The following PPM1H variants were observed in gnomAD, a reference collection of about 807,000 sequenced individuals.
PPM1H encodes protein phosphatase 1H.
A neutral mutation model predicts 54.9 loss-of-function variants in PPM1H; 27 were observed. That is an observed-to-expected ratio of 0.49 (90% CI 0.36 to 0.68). The LOEUF is 0.68. PPM1H is among the 30% of genes least tolerant of loss of function. The pLI is 0.00. For synonymous variants in PPM1H, 305 were observed against 270.8 expected, an observed-to-expected ratio of 1.13 and a Z score of -1.24; for missense variants, 596 against 667.8, an observed-to-expected ratio of 0.89 and a Z score of 1.19.
chr12:62,873,925 T>C (rs77029242), intron 1 of PPM1H, among the ~76,000 whole-genome samples: 7,029 of 152,234 alleles, frequency 0.046, 191 homozygotes, highest in South Asian at 0.096. Flanking sequence ...GGAGGTTACA[T>C]TTAAGCTTAG....
chr12:62,878,032 A>G (rs942900915), intron 1 of PPM1H, among the ~76,000 whole-genome samples: 17 of 152,034 alleles, frequency 1.1e-4, no homozygotes, highest in East Asian at 1.9e-4. Context: ...TGAGTTGCTG[A>G]GACTACAGGC....
At chr12:62,762,138 G>T (rs570441106) in intron 4 of PPM1H, among the ~76,000 whole-genome samples, 11 of 152,308 alleles carry the variant, frequency 7.2e-5, no homozygotes, top group Admixed American at 2.0e-4. Flanking sequence ...CCCTAACTAC[G>T]TATGGCCCAT....
chr12:62,822,847 A>G (rs2076912683), intron 2 of PPM1H, among the ~76,000 whole-genome samples: 1 of 152,208 alleles, frequency 6.6e-6, no homozygotes, highest in Non-Finnish European at 1.5e-5. Flanking sequence ...GAGAAGCAAG[A>G]GCAAACACAT....
intron 1 of PPM1H, among the ~76,000 whole-genome samples, chr12:62,870,560 G>A (rs1869939495): frequency 6.6e-6 from 1 of 152,114 alleles, no homozygotes; most frequent in Admixed American, 6.5e-5. Context: ...AGAATTTAGG[G>A]GACACAATCA....
chr12:62,784,888 A>G (rs548723793), intron 4 of PPM1H, among the ~76,000 whole-genome samples: 1 of 152,254 alleles, frequency 6.6e-6, no homozygotes, highest in Non-Finnish European at 1.5e-5. Flanking sequence ...TGGATAGCAC[A>G]TAAAAATACC....
chr12:62,720,059 C>A, intron 6 of PPM1H, 112 bp downstream of exon 6: 1 of 908,652 alleles, frequency 1.1e-6, no homozygotes, highest in East Asian at 2.4e-5. Context: ...ACCACAAACC[C>A]TGGTCTCTGG....
intron 1 of PPM1H, among the ~76,000 whole-genome samples, chr12:62,895,924 T>C (rs549218217): frequency 5.8e-4 from 88 of 152,246 alleles, no homozygotes; most frequent in Non-Finnish European, 8.4e-4. Context: ...GCCTCAGGTA[T>C]TCCTTTATAA....
intron 2 of PPM1H, among the ~76,000 whole-genome samples, chr12:62,815,967 T>C (rs1228904368): frequency 2.0e-5 from 3 of 152,230 alleles, no homozygotes; most frequent in African/African-American, 7.2e-5. Context: ...TAGTAACAGC[T>C]ATTACAGTTT....
chr12:62,908,296 A>G (rs1163361333), intron 1 of PPM1H, among the ~76,000 whole-genome samples: 1 of 151,466 alleles, frequency 6.6e-6, no homozygotes, highest in Non-Finnish European at 1.5e-5. Context: ...AATCCCAGCT[A>G]CTTAGGAGGC....
intron 4 of PPM1H, among the ~76,000 whole-genome samples, chr12:62,778,284 C>T (rs1371244419): frequency 1.3e-5 from 2 of 152,182 alleles, no homozygotes; most frequent in Non-Finnish European, 2.9e-5. Flanking sequence ...GCTAACTGTC[C>T]ACCAAAATCA....
chr12:62,868,544 C>T (rs1869865675), intron 1 of PPM1H, among the ~76,000 whole-genome samples: 1 of 152,220 alleles, frequency 6.6e-6, no homozygotes, highest in South Asian at 2.1e-4. Context: ...TTGACCGCTA[C>T]TGAAACATTC....
chr12:62,725,736 G>T (rs764460979), intron 5 of PPM1H, among the ~76,000 whole-genome samples: 10 of 152,078 alleles, frequency 6.6e-5, no homozygotes, highest in Non-Finnish European at 1.0e-4. Context: ...CGCCCCTGCA[G>T]GTGTCTGCCC....
intron 1 of PPM1H, among the ~76,000 whole-genome samples, chr12:62,833,068 C>T (rs370745089): frequency 1.4e-4 from 22 of 152,248 alleles, no homozygotes; most frequent in African/African-American, 4.1e-4. Flanking sequence ...GTTTCCGCAC[C>T]GCTTTCTTCT....
intron 7 of PPM1H, among the ~76,000 whole-genome samples, chr12:62,690,177 C>G (rs1018699737): frequency 6.6e-6 from 1 of 151,772 alleles, no homozygotes; most frequent in South Asian, 2.1e-4. Flanking sequence ...TTGATCGATC[C>G]ATCCATCCAT....
chr12:62,799,232 GCA>G (rs1382398934), intron 3 of PPM1H, among the ~76,000 whole-genome samples: 4 of 152,162 alleles, frequency 2.6e-5, no homozygotes, highest in Non-Finnish European at 5.9e-5. Flanking sequence ...TTCTTTGCCA[GCA>G]CAGTTGTTAA....
At chr12:62,659,445 C>T (rs979992999) in intron 9 of PPM1H, among the ~76,000 whole-genome samples, 1 of 152,116 alleles carries the variant, frequency 6.6e-6, no homozygotes, top group Non-Finnish European at 1.5e-5. Flanking sequence ...CCATCTCTGC[C>T]TGAGAGGATG....
chr12:62,720,515 A>C, intron 5 of PPM1H: 1 of 507,398 alleles, frequency 2.0e-6, no homozygotes, highest in South Asian at 2.3e-5. Context: ...TGATACATTA[A>C]TTGTAACCAA....
intron 1 of PPM1H, among the ~76,000 whole-genome samples, chr12:62,908,403 G>A (rs1304878501): frequency 5.5e-4 from 28 of 51,364 alleles, no homozygotes; most frequent in Non-Finnish European, 1.4e-3. Flanking sequence ...GCGAGACTCC[G>A]TCTCAAAAAA....
intron 4 of PPM1H, among the ~76,000 whole-genome samples, chr12:62,759,208 T>C (rs985913873): frequency 2.0e-5 from 3 of 152,234 alleles, no homozygotes; most frequent in Non-Finnish European, 4.4e-5. Context: ...AGACATTTGG[T>C]GCCGAAGACT....
Sources: allele counts gnomAD v4.1 joint callset (sites outside exome capture counted in the v4.1 genomes callset), GRCh38; gene constraint gnomAD v4.1.1; transcripts MANE v1.5; gene names NCBI Gene and HGNC (gene_info 2026-07-23, HGNC 2026-07-21).